PRKCA: variants seen among roughly 807,000 people sequenced by gnomAD.
PRKCA encodes protein kinase C alpha.
PRKCA carries 27 observed loss-of-function variants against 87.0 expected under a neutral mutation model. The ratio of observed to expected loss-of-function variants is 0.31; its 90% CI spans 0.23 to 0.43. PRKCA has a LOEUF of 0.43. Among genes scored for constraint, PRKCA ranks in the 20% least tolerant of loss-of-function variants. The pLI is 1.00. For missense variants in PRKCA, 518 were observed against 852.3 expected (o/e 0.61, Z 4.88); for synonymous variants, 329 against 311.1 (o/e 1.06, Z -0.61).
intron 3 of PRKCA, among the ~76,000 whole-genome samples, chr17:66,638,109 AATATAT>A (rs57070883): frequency 6.7e-6 from 1 of 149,670 alleles, no homozygotes; most frequent in Non-Finnish European, 1.5e-5. Flanking sequence ...TTGTTTCTAA[AATATAT>A]ATATATATAT....
chr17:66,307,774 T>G (rs1904899606), intron 2 of PRKCA, among the ~76,000 whole-genome samples: 1 of 152,074 alleles, frequency 6.6e-6, no homozygotes, highest in South Asian at 2.1e-4. Flanking sequence ...GCAACATAAC[T>G]CCCTTTTACC....
intron 3 of PRKCA, among the ~76,000 whole-genome samples, chr17:66,540,090 A>C (rs1332266920): frequency 2.0e-5 from 3 of 152,220 alleles, no homozygotes; most frequent in African/African-American, 2.4e-5. Flanking sequence ...GTTTGTTGCC[A>C]GGGAGGTGAT....
chr17:66,732,037 G>A (rs1226208282), intron 8 of PRKCA, among the ~76,000 whole-genome samples: 2 of 149,250 alleles, frequency 1.3e-5, no homozygotes, highest in Non-Finnish European at 3.0e-5. Flanking sequence ...TGATCCACCC[G>A]CCTCGGCCTC....
At chr17:66,570,407 T>C (rs1017929695) in intron 3 of PRKCA, among the ~76,000 whole-genome samples, 4 of 152,226 alleles carry the variant, frequency 2.6e-5, no homozygotes, top group African/African-American at 9.6e-5. Flanking sequence ...AGAAATGCCT[T>C]CAGTATGTAC....
At chr17:66,617,530 A>G (rs1970549989) in intron 3 of PRKCA, among the ~76,000 whole-genome samples, 1 of 152,182 alleles carries the variant, frequency 6.6e-6, no homozygotes, top group Non-Finnish European at 1.5e-5. Flanking sequence ...CCGTTTGAGT[A>G]AATTATGCAT....
At chr17:66,443,058 C>G (rs1913856606) in intron 2 of PRKCA, among the ~76,000 whole-genome samples, 1 of 152,176 alleles carries the variant, frequency 6.6e-6, no homozygotes, top group African/African-American at 2.4e-5. Flanking sequence ...CTCATTTGAT[C>G]TCTTGGACTC....
At chr17:66,736,512 AG>A (rs1568004481) in intron 10 of PRKCA, among the ~76,000 whole-genome samples, 1 of 152,068 alleles carries the variant, frequency 6.6e-6, no homozygotes, top group Non-Finnish European at 1.5e-5. Context: ...TTCTGACCTC[AG>A]GTGATCCACC....
intron 2 of PRKCA, among the ~76,000 whole-genome samples, chr17:66,428,329 T>C (rs890022746): frequency 8.5e-5 from 13 of 152,146 alleles, no homozygotes; most frequent in Non-Finnish European, 4.4e-5. Flanking sequence ...TTCAAAATAC[T>C]AATGAACAGG....
chr17:66,725,196 GAGA>G (rs1274366934), intron 8 of PRKCA, among the ~76,000 whole-genome samples: 1 of 152,202 alleles, frequency 6.6e-6, no homozygotes, highest in African/African-American at 2.4e-5. Flanking sequence ...GATTGCTTGA[GAGA>G]AGGAGTTCAG....
chr17:66,471,810 T>C (rs1257858692), intron 2 of PRKCA, among the ~76,000 whole-genome samples: 1 of 152,184 alleles, frequency 6.6e-6, no homozygotes, highest in East Asian at 1.9e-4. Context: ...TCATGACAAG[T>C]TGCAGTGAAG....
chr17:66,767,607 G>A (rs1974840112), intron 13 of PRKCA, among the ~76,000 whole-genome samples: 1 of 152,262 alleles, frequency 6.6e-6, no homozygotes, highest in Middle Eastern at 3.4e-3. Context: ...AATCTCAGTG[G>A]CTTAACACAA....
Position 66,617,141 on chromosome 17 carries a change from AAGG to A in PRKCA, c.289-24210_289-24208del, listed in dbSNP as rs570256991. Among the ~76,000 whole-genome samples, 1,035 of 152,342 alleles carry A rather than the reference AAGG, an allele frequency of 6.8e-3. 14 individuals are homozygous for A. The highest frequency in any genetic ancestry group is 0.021 in the African/African-American group (885 of 41,576). The stretch of plus-strand genomic sequence containing the variant: ...GAAAAATGTGAGACGCCCAAGATCA[AAGG>A]AGGCACATGTTCAGGGAACTGTTTC... On this transcript the variant is annotated intron_variant, in intron 3 of 16. Coordinates refer to ENST00000413366, the MANE Select transcript of PRKCA (RefSeq NM_002737.3).
chr17:66,333,271 A>G (rs1906462721), intron 2 of PRKCA, among the ~76,000 whole-genome samples: 1 of 152,216 alleles, frequency 6.6e-6, no homozygotes, highest in African/African-American at 2.4e-5. Flanking sequence ...AAATCTAACA[A>G]ACTATAGCAA....
intron 3 of PRKCA, among the ~76,000 whole-genome samples, chr17:66,592,594 A>G (rs1476622845): frequency 6.6e-6 from 1 of 152,176 alleles, no homozygotes; most frequent in Non-Finnish European, 1.5e-5. Flanking sequence ...ACTTGGTCTG[A>G]GTGGCGTGGT....
intron 2 of PRKCA, among the ~76,000 whole-genome samples, chr17:66,363,867 T>G (rs1432394626): frequency 2.6e-5 from 4 of 152,156 alleles, no homozygotes; most frequent in African/African-American, 7.2e-5. Flanking sequence ...CATGCCTGGC[T>G]AATTTTTGTA....
chr17:66,368,386 A>ATTTTTTTTTTTTTTT (rs1180540465), intron 2 of PRKCA, among the ~76,000 whole-genome samples: 1 of 25,468 alleles, frequency 3.9e-5, no homozygotes, highest in African/African-American at 1.2e-4. Context: ...ATATATATAT[A>ATTTTTTTTTTTTTTT]TTTTTTTTTT....
chr17:66,715,668 C>T (rs1045498748), intron 8 of PRKCA, among the ~76,000 whole-genome samples: 3 of 151,030 alleles, frequency 2.0e-5, no homozygotes, highest in Non-Finnish European at 3.0e-5. Context: ...TCTATAGTTC[C>T]GTTGGCATTT....
intron 2 of PRKCA, among the ~76,000 whole-genome samples, chr17:66,408,924 C>T (rs111838091): frequency 0.045 from 6,735 of 150,224 alleles, 217 homozygotes; most frequent in Admixed American, 0.078. Context: ...TGGTGGTGTG[C>T]GCCTGTAATC....
At position 66,690,933 on chromosome 17, in the gene PRKCA, C is replaced by T. The variant is rs531940003; in HGVS notation, c.918+1886C>T. Among the ~76,000 whole-genome samples, 8 of 151,736 alleles carry T rather than the reference C, an allele frequency of 5.3e-5. No individual in the cohort carries two copies. In the South Asian group the frequency reaches 1.5e-3, roughly 28 times the overall value. ...CCAAGGCAGGCAGGTTGCTTAAGCT[C>T]ACAAGTTTGAAATCAGCCTGGGCAA... On this transcript the variant is annotated intron_variant, in intron 8 of 16. Coordinates refer to ENST00000413366, the MANE Select transcript of PRKCA (RefSeq NM_002737.3).
Sources: allele counts gnomAD v4.1 joint callset (sites outside exome capture counted in the v4.1 genomes callset), GRCh38; gene constraint gnomAD v4.1.1; transcripts MANE v1.5; gene names NCBI Gene and HGNC (gene_info 2026-07-23, HGNC 2026-07-21).